PHKB: variants seen among roughly 807,000 people sequenced by gnomAD.
PHKB encodes the protein phosphorylase kinase regulatory subunit beta, also known as phosphorylase b kinase regulatory subunit beta.
A neutral mutation model predicts 152.1 loss-of-function variants in PHKB; 122 were observed. The observed-to-expected ratio is 0.80, with a 90% CI of 0.69 to 0.93. The LOEUF is 0.93. Among genes scored for constraint, PHKB ranks in the 40% least tolerant of loss-of-function variants. The pLI is 0.00. For synonymous variants in PHKB, 436 were observed against 464.9 expected, an observed-to-expected ratio of 0.94 and a Z score of 0.80; for missense variants, 1,304 against 1,328.4, an observed-to-expected ratio of 0.98 and a Z score of 0.29.
At chr16:47,662,733 CT>C (rs1973465564) in intron 23 of PHKB, among the ~76,000 whole-genome samples, 1 of 152,090 alleles carries the variant, frequency 6.6e-6, no homozygotes. Flanking sequence ...TCTAATTAGT[CT>C]TAAAACTATA....
At chr16:47,512,751 C>T (rs896724313) in intron 5 of PHKB, among the ~76,000 whole-genome samples, 1 of 152,020 alleles carries the variant, frequency 6.6e-6, no homozygotes. Flanking sequence ...CAAATATATT[C>T]TATTTATGTT....
At chr16:47,699,122 G>A (rs927660995) in intron 30 of PHKB, 107 bp from the exon 31 acceptor site, 1 of 1,036,410 alleles carries the variant, frequency 9.6e-7, no homozygotes, top group Admixed American at 1.7e-5. Context: ...TTTCCATAAG[G>A]AAATCTTTAT....
intron 1 of PHKB, among the ~76,000 whole-genome samples, chr16:47,476,033 A>G (rs1049507039): frequency 2.0e-5 from 3 of 151,882 alleles, no homozygotes; most frequent in Admixed American, 6.6e-5. Context: ...ATGCCCAGCT[A>G]ATTTTTTTTT....
At chr16:47,660,198 G>A (rs1020305962) in intron 20 of PHKB, among the ~76,000 whole-genome samples, 1 of 152,128 alleles carries the variant, frequency 6.6e-6, no homozygotes, top group Non-Finnish European at 1.5e-5. Context: ...AATGGTTACT[G>A]AATTATTTTA....
chr16:47,525,218 A>G (rs78389311), intron 6 of PHKB, among the ~76,000 whole-genome samples: 1,739 of 152,290 alleles, frequency 0.011, 27 homozygotes, highest in African/African-American at 0.039. Context: ...CTATTTTAAT[A>G]TTTTGAGCAG....
At chr16:47,560,244 G>C (rs1971453299) in intron 7 of PHKB, among the ~76,000 whole-genome samples, 1 of 152,200 alleles carries the variant, frequency 6.6e-6, no homozygotes. Flanking sequence ...CATCTTAAAA[G>C]TAGAGGAGAT....
chr16:47,511,890 A>G, intron 5 of PHKB, 118 bp downstream of exon 5: 1 of 720,456 alleles, frequency 1.4e-6, no homozygotes, highest in East Asian at 2.7e-5. Flanking sequence ...CGGATGGGGT[A>G]GGGGCTAGAT....
intron 14 of PHKB, among the ~76,000 whole-genome samples, chr16:47,619,699 A>G (rs758950045): frequency 3.9e-5 from 6 of 152,172 alleles, no homozygotes; most frequent in African/African-American, 7.2e-5. Context: ...TTCGTTGTTC[A>G]TACTGCAGCG....
chr16:47,631,254 C>A (rs139451216), intron 14 of PHKB, among the ~76,000 whole-genome samples: 3 of 152,182 alleles, frequency 2.0e-5, no homozygotes, highest in African/African-American at 7.2e-5. Context: ...CCTGGACATA[C>A]GTGCAGTCAG....
At chr16:47,526,181 G>T (rs778888411) in intron 6 of PHKB, among the ~76,000 whole-genome samples, 1 of 152,080 alleles carries the variant, frequency 6.6e-6, no homozygotes. Context: ...AGGCCAAGGC[G>T]GATGGATATC....
chr16:47,471,597 G>T (rs1447047877), intron 1 of PHKB, among the ~76,000 whole-genome samples: 3 of 152,128 alleles, frequency 2.0e-5, no homozygotes, highest in Non-Finnish European at 2.9e-5. Context: ...CAGATATTGA[G>T]TATATCATCA....
Position 47,503,158 on chromosome 16 carries a change from A to G in PHKB, c.405+68A>G, listed in dbSNP as rs143552915. The G allele has an allele frequency of 2.6e-5, 27 of 1,052,706 alleles. No homozygotes were observed. In the East Asian group the frequency reaches 4.9e-4, roughly 19 times the overall value. 65.2% of individuals were successfully genotyped at this position (1,052,706 alleles called of 1,614,324 possible). On this transcript the variant is annotated intron_variant, in intron 4 of 30. Transcript: ENST00000323584. ...AAGGATTAATTTAACTAGTATCGCA[A>G]TGGTTTCTTCTGAAGAAGAATGTAC... is the stretch of plus-strand genomic sequence containing the variant.
chr16:47,601,860 G>A (rs1443575551), intron 13 of PHKB, among the ~76,000 whole-genome samples: 1 of 152,106 alleles, frequency 6.6e-6, no homozygotes, highest in Admixed American at 6.5e-5. Flanking sequence ...TTTACATATT[G>A]TATAATTTAA....
At chr16:47,689,586 T>C (rs922149390) in intron 27 of PHKB, among the ~76,000 whole-genome samples, 1 of 152,220 alleles carries the variant, frequency 6.6e-6, no homozygotes, top group Non-Finnish European at 1.5e-5. Context: ...TCTCCCTAAA[T>C]AGACTTCAAT....
At chr16:47,686,422 A>G (rs561694023) in intron 26 of PHKB, among the ~76,000 whole-genome samples, 46 of 152,320 alleles carry the variant, frequency 3.0e-4, no homozygotes, top group South Asian at 6.2e-4. Context: ...CTTCCTCTAA[A>G]CTGAGTTTAA....
chr16:47,641,886 TATGTGTGTGTGC>T (rs1973030121), intron 16 of PHKB, among the ~76,000 whole-genome samples, 194 bp downstream of exon 16: 1 of 152,152 alleles, frequency 6.6e-6, no homozygotes, highest in Non-Finnish European at 1.5e-5. Context: ...GCACTGTGTA[TATGTGTGTGTGC>T]ATGTGTGTGT....
Position 47,649,149 on chromosome 16 carries a change from A to T in PHKB, c.1742A>T (p.Asp581Val), listed in dbSNP as rs774750600. The T allele has an allele frequency of 6.2e-7, 1 of 1,611,358 alleles. No homozygotes were observed. The highest frequency in any genetic ancestry group is 1.7e-5 in the Admixed American group (1 of 60,004). ...GTGGTTTGTTACCCGATTATTTTCG[A>T]CCTAAGTGATTTCTACATGTCTCAG... is the stretch of plus-strand genomic sequence containing the variant. ...KTVVCYPIIF[D>V]LSDFYMSQDV... Residue 581 changes from aspartate (D) to valine (V), a missense_variant, in exon 18 of 31, where the codon GAC (aspartate) becomes GTC (valine). Asp to Val is a radical substitution (Grantham distance 152). Coordinates refer to ENST00000323584, the MANE Select transcript of PHKB (RefSeq NM_000293.3).
At chr16:47,528,714 A>G (rs372192404) in intron 6 of PHKB, among the ~76,000 whole-genome samples, 1 of 89,516 alleles carries the variant, frequency 1.1e-5, no homozygotes, top group Admixed American at 1.1e-4. Context: ...TTTTTTTTTT[A>G]TTTTGACGGA....
At chr16:47,683,301 G>C (rs1342106633) in intron 26 of PHKB, among the ~76,000 whole-genome samples, 1 of 152,236 alleles carries the variant, frequency 6.6e-6, no homozygotes, top group East Asian at 1.9e-4. Flanking sequence ...TGTCAGACGG[G>C]ACATTTAAGT....
Sources: gnomAD v4.1 joint callset for allele counts (sites outside exome capture counted in the v4.1 genomes callset) on GRCh38, gnomAD v4.1.1 for gene constraint, MANE v1.5 for transcripts, NCBI Gene and HGNC (gene_info 2026-07-23, HGNC 2026-07-21) for gene names.